Variants in NAALADL2 observed in about 807,000 individuals in gnomAD.
The protein encoded by NAALADL2 is inactive N-acetylated-alpha-linked acidic dipeptidase-like protein 2.
In NAALADL2, 76 loss-of-function variants were observed where a neutral mutation model predicts 87.2. The observed-to-expected ratio is 0.87, with a 90% confidence interval of 0.72 to 1.05. NAALADL2 has a LOEUF of 1.05. Ranked by LOEUF, NAALADL2 falls within the 50% of genes least tolerant of loss-of-function variation. NAALADL2 has a pLI of 0.00. For synonymous variants in NAALADL2, 354 were observed against 331.0 expected (o/e 1.07, Z -0.75); for missense variants, 1,089 against 945.8 (o/e 1.15, Z -1.99).
At chr3:175,025,040 G>A (rs1230330803) in intron 1 of NAALADL2, among the ~76,000 whole-genome samples, 1 of 152,088 alleles carries the variant, frequency 6.6e-6, no homozygotes, top group Non-Finnish European at 1.5e-5. Context: ...CTAAAATGCT[G>A]CATATCAAAA....
intron 4 of NAALADL2, among the ~76,000 whole-genome samples, chr3:175,322,873 C>G (rs1305969723): frequency 6.6e-6 from 1 of 150,564 alleles, no homozygotes; most frequent in Admixed American, 6.6e-5. Flanking sequence ...AATAGGAACA[C>G]TTTTACAGTG....
chr3:175,458,493 ATATAAAT>A (rs1560583327), intron 6 of NAALADL2, among the ~76,000 whole-genome samples: 1 of 105,598 alleles, frequency 9.5e-6, no homozygotes, highest in Non-Finnish European at 2.2e-5. Flanking sequence ...ATATATAAAT[ATATAAAT>A]TAATATAAAT....
chr3:175,245,309 C>T (rs1018417388), intron 3 of NAALADL2, among the ~76,000 whole-genome samples: 1 of 152,118 alleles, frequency 6.6e-6, no homozygotes, highest in African/African-American at 2.4e-5. Context: ...GCCTTTCTGA[C>T]AATCTACAAT....
chr3:175,670,738 A>G lies in NAALADL2; in HGVS notation c.1896+43352A>G, dbSNP rs375773783. 2.7e-4 allele frequency among the ~76,000 whole-genome samples: 41 copies of G among 151,216 alleles called. No homozygotes were observed. In the South Asian group the frequency reaches 8.3e-3, roughly 31 times the overall value. On this transcript the variant is annotated intron_variant, in intron 11 of 13. Coordinates refer to ENST00000454872, the MANE Select transcript of NAALADL2 (RefSeq NM_207015.3). ...TATTCTTGACTCATGGCATTTCAAT[A>G]TTACCACACAAAATTATCCAACGTT... is the stretch of plus-strand genomic sequence containing the variant.
chr3:175,678,579 A>G (rs539511423), intron 11 of NAALADL2, among the ~76,000 whole-genome samples: 5 of 152,310 alleles, frequency 3.3e-5, no homozygotes, highest in African/African-American at 7.2e-5. Context: ...TTTTAGGGAC[A>G]TGGATGAAGC....
chr3:175,796,359 G>A (rs34254893), intron 13 of NAALADL2, among the ~76,000 whole-genome samples: 12,942 of 152,152 alleles, frequency 0.085, 702 homozygotes, highest in East Asian at 0.29. Flanking sequence ...GAAAATAATT[G>A]CAGCCATTTC....
Position 174,921,408 on chromosome 3 carries a change from C to A in NAALADL2, c.43+61958C>A, listed in dbSNP as rs143531566. ...ATGATTATGTAATCTTTTGCAAATT[C>A]TACTTCTAAAAGCATTTAAAGTAAC... is the stretch of plus-strand genomic sequence containing the variant. On this transcript the variant is annotated intron_variant, in intron 1 of 13. Transcript: ENST00000454872. Among the ~76,000 whole-genome samples the A allele has an allele frequency of 3.3e-5, 5 of 152,050 alleles. No individual in the cohort carries two copies. The East Asian group carries it at 9.7e-4, about 29-fold the overall frequency.
chr3:175,693,159 C>T (rs1016354671), intron 11 of NAALADL2, among the ~76,000 whole-genome samples: 3 of 152,056 alleles, frequency 2.0e-5, no homozygotes, highest in South Asian at 2.1e-4. Context: ...TGTGTGAGAC[C>T]GCACTTGGAG....
chr3:175,202,945 G>A (rs934078519), intron 2 of NAALADL2, among the ~76,000 whole-genome samples: 8 of 152,046 alleles, frequency 5.3e-5, no homozygotes, highest in Non-Finnish European at 7.4e-5. Flanking sequence ...ATAAACCAAA[G>A]GACCGGTCTT....
chr3:174,899,511 G>A (rs1732046513), intron 1 of NAALADL2, among the ~76,000 whole-genome samples: 2 of 152,096 alleles, frequency 1.3e-5, no homozygotes, highest in African/African-American at 4.8e-5. Context: ...CACCTCCACA[G>A]TCTCTCTCTT....
chr3:175,222,002 G>A (rs930543426), intron 2 of NAALADL2, among the ~76,000 whole-genome samples: 9 of 151,974 alleles, frequency 5.9e-5, no homozygotes, highest in Non-Finnish European at 1.0e-4. Context: ...GGCTGGTCTC[G>A]AACTCCCGAG....
At chr3:174,893,816 C>A (rs2109808754) in intron 1 of NAALADL2, among the ~76,000 whole-genome samples, 1 of 152,210 alleles carries the variant, frequency 6.6e-6, no homozygotes, top group African/African-American at 2.4e-5. Flanking sequence ...GAGAAGACCA[C>A]AAAACAGCCA....
intron 4 of NAALADL2, among the ~76,000 whole-genome samples, chr3:175,287,654 A>G (rs1755150392): frequency 6.6e-6 from 1 of 152,158 alleles, no homozygotes; most frequent in African/African-American, 2.4e-5. Flanking sequence ...ATTGTTACAG[A>G]TAGAGCTAAA....
At chr3:175,726,416 T>G (rs1702214691) in intron 11 of NAALADL2, among the ~76,000 whole-genome samples, 1 of 152,178 alleles carries the variant, frequency 6.6e-6, no homozygotes, top group South Asian at 2.1e-4. Context: ...ACAGGATAGT[T>G]CAGAGATTAA....
At chr3:174,652,424 G>A (rs1032873610) in intron 2 of NAALADL2, among the ~76,000 whole-genome samples, 2 of 152,166 alleles carry the variant, frequency 1.3e-5, no homozygotes, top group Admixed American at 1.3e-4. Flanking sequence ...AAGGAAAGGG[G>A]TTTAATCGAT....
At chr3:175,340,556 T>C (rs1370213331) in intron 5 of NAALADL2, among the ~76,000 whole-genome samples, 1 of 152,164 alleles carries the variant, frequency 6.6e-6, no homozygotes, top group Non-Finnish European at 1.5e-5. Context: ...CCCTTCTCAG[T>C]TCTACAAAGA....
At chr3:175,270,498 A>G (rs1341112803) in intron 4 of NAALADL2, among the ~76,000 whole-genome samples, 1 of 152,188 alleles carries the variant, frequency 6.6e-6, no homozygotes, top group Non-Finnish European at 1.5e-5. Flanking sequence ...CTGAATGTGA[A>G]TTGCTGTTGA....
At chr3:174,519,618 A>G (rs1345179681) in intron 1 of NAALADL2, among the ~76,000 whole-genome samples, 2 of 151,952 alleles carry the variant, frequency 1.3e-5, no homozygotes, top group African/African-American at 4.8e-5. Flanking sequence ...GATGTGAGCC[A>G]CTACGCCTGG....
chr3:175,082,048 A>ATG (rs146559489), intron 1 of NAALADL2, among the ~76,000 whole-genome samples: 35 of 150,660 alleles, frequency 2.3e-4, no homozygotes, highest in East Asian at 9.8e-4. Context: ...GTGTATGTGT[A>ATG]TGTGTGTGTG....
Sources: allele counts gnomAD v4.1 joint callset (sites outside exome capture counted in the v4.1 genomes callset), GRCh38; gene constraint gnomAD v4.1.1; transcripts MANE v1.5; gene names NCBI Gene and HGNC (gene_info 2026-07-23, HGNC 2026-07-21).